Variants in TRIP4 observed in about 807,000 individuals in gnomAD.
The protein encoded by TRIP4 is activating signal cointegrator 1.
Under a neutral mutation model 81.8 loss-of-function variants are expected in TRIP4, and 54 were observed. The observed-to-expected ratio is 0.66, with a 90% CI of 0.53 to 0.83. TRIP4 has a LOEUF of 0.83. Among genes scored for constraint, TRIP4 ranks in the 40% least tolerant of loss-of-function variants. The pLI, the probability that TRIP4 is intolerant of heterozygous loss-of-function variation, is 0.00. For synonymous variants in TRIP4, 270 were observed against 242.8 expected (o/e 1.11, Z -1.04); for missense variants, 662 against 683.6 (o/e 0.97, Z 0.35).
intron 6 of TRIP4, 143 bp from the exon 7 acceptor site, chr15:64,409,470 T>G: frequency 1.5e-6 from 1 of 688,932 alleles, no homozygotes; most frequent in South Asian, 1.9e-5. Context: ...GAGCTGAGCC[T>G]ACACTGGAGA....
intron 3 of TRIP4, 74 bp downstream of exon 3, chr15:64,395,605 AG>A (rs1900268998): frequency 2.3e-5 from 35 of 1,505,126 alleles, no homozygotes; most frequent in Non-Finnish European, 3.0e-5. Flanking sequence ...CAGAGAGCAA[AG>A]TGTACAAATT....
At chr15:64,388,552 GC>G (rs1157625437) in intron 1 of TRIP4, among the ~76,000 whole-genome samples, 2 of 151,926 alleles carry the variant, frequency 1.3e-5, no homozygotes, top group Non-Finnish European at 2.9e-5. Context: ...CAAGTGATCC[GC>G]CCGCCTCGAC....
chr15:64,444,932 G>A, intron 11 of TRIP4, 74 bp from the exon 12 acceptor site: 4 of 762,206 alleles, frequency 5.2e-6, no homozygotes, highest in Non-Finnish European at 8.9e-6. Context: ...GGTGAAATCT[G>A]GGACATCTTC....
chr15:64,442,101 A>G (rs1247145312), intron 11 of TRIP4, among the ~76,000 whole-genome samples: 4 of 152,148 alleles, frequency 2.6e-5, no homozygotes, highest in African/African-American at 4.8e-5. Context: ...TTGTCTATGG[A>G]CTTGTAGGTC....
At chr15:64,445,982 A>G (rs1260415419) in intron 12 of TRIP4, among the ~76,000 whole-genome samples, 1 of 152,010 alleles carries the variant, frequency 6.6e-6, no homozygotes, top group Non-Finnish European at 1.5e-5. Context: ...TATTCAACTC[A>G]AGAATAAGGG....
chr15:64,410,765 A>G (rs1891744248), intron 7 of TRIP4, among the ~76,000 whole-genome samples: 1 of 152,196 alleles, frequency 6.6e-6, no homozygotes, highest in Non-Finnish European at 1.5e-5. Context: ...ACCAAGTTGG[A>G]AGAAAATATT....
At chr15:64,417,305 C>T (rs567659966) in intron 8 of TRIP4, among the ~76,000 whole-genome samples, 2 of 152,118 alleles carry the variant, frequency 1.3e-5, no homozygotes, top group African/African-American at 4.8e-5. Context: ...GGCCATCATG[C>T]CTGGCCCTTA....
chr15:64,435,537 A>T (rs1292033505), intron 11 of TRIP4, among the ~76,000 whole-genome samples: 5 of 151,156 alleles, frequency 3.3e-5, no homozygotes, highest in Admixed American at 2.0e-4. Flanking sequence ...AAAAAAAAAA[A>T]AAAAATATTA....
intron 11 of TRIP4, among the ~76,000 whole-genome samples, chr15:64,438,353 C>T (rs1892445964): frequency 6.6e-6 from 1 of 152,196 alleles, no homozygotes; most frequent in Admixed American, 6.5e-5. Flanking sequence ...GAGTTTCGCT[C>T]TTGTTGCCTA....
chr15:64,427,584 G>A (rs552310689), intron 11 of TRIP4, among the ~76,000 whole-genome samples: 10 of 152,164 alleles, frequency 6.6e-5, no homozygotes, highest in East Asian at 1.9e-4. Context: ...CCATGTTGGC[G>A]AAGCTGGTCT....
intron 12 of TRIP4, among the ~76,000 whole-genome samples, chr15:64,447,403 C>T (rs995158187): frequency 2.0e-5 from 3 of 152,214 alleles, no homozygotes; most frequent in African/African-American, 7.2e-5. Flanking sequence ...AACTAAAAAT[C>T]ACCTAGCAAG....
In TRIP4 at chr15:64,400,777, G is replaced by A. The variant is rs777959222; in HGVS notation, c.653G>A (p.Arg218His). The change falls in exon 5 of 13, where the codon CGT becomes CAT. Residue 218 changes from arginine (R) to histidine (H), a missense_variant. Arg to His is a conservative substitution (Grantham distance 29). Coordinates refer to ENST00000261884, the MANE Select transcript of TRIP4 (RefSeq NM_016213.5). ...CATGAGGAACAAGATATTTTACAGC[G>A]TGACTCAAACAAGAGCCAGAAACTG... ...CTHEEQDILQ[R>H]DSNKSQKLLK... 7 of 1,613,880 alleles carry A rather than the reference G, an allele frequency of 4.3e-6. No individual in the cohort carries two copies. Among genetic ancestry groups the A allele is most frequent in the East Asian group, 2.2e-5 (1 of 44,892 alleles).
intron 1 of TRIP4, among the ~76,000 whole-genome samples, chr15:64,388,970 C>G (rs1300617796): frequency 2.0e-5 from 3 of 152,104 alleles, no homozygotes; most frequent in African/African-American, 7.2e-5. Flanking sequence ...GTAACAAAGA[C>G]AAGACAGTTG....
Position 64,409,703 on chromosome 15 carries a change from G to A in TRIP4, c.918G>A (p.Leu306=). The part of the protein sequence containing the change: ...QWLSKLERET[L]QKREEELREL... ...TGTCCAAACTTGAGCGGGAAACCTTGCAGAAGCGAGAGGAGGAGCTGAGAG... is the reference window on the plus strand; with the variant it reads ...TGTCCAAACTTGAGCGGGAAACCTTACAGAAGCGAGAGGAGGAGCTGAGAG... The change falls in exon 7 of 13, where the codon TTG becomes TTA. Residue 306 remains leucine, a synonymous_variant. Coordinates refer to ENST00000261884, the MANE Select transcript of TRIP4 (RefSeq NM_016213.5). The A allele has an allele frequency of 6.2e-7, 1 of 1,614,148 alleles. No individual in the cohort carries two copies. The highest frequency in any genetic ancestry group is 8.5e-7 in the Non-Finnish European group (1 of 1,180,040).
At chr15:64,398,251 T>A (rs996088293) in intron 4 of TRIP4, among the ~76,000 whole-genome samples, 1 of 150,928 alleles carries the variant, frequency 6.6e-6, no homozygotes, top group African/African-American at 2.4e-5. Flanking sequence ...TGAACTCGAG[T>A]GTCAGGGATA....
chr15:64,439,872 C>A (rs892421576), intron 11 of TRIP4, among the ~76,000 whole-genome samples: 15 of 151,870 alleles, frequency 9.9e-5, no homozygotes, highest in African/African-American at 3.6e-4. Flanking sequence ...TACAGATCAT[C>A]TGGGAATTTG....
At chr15:64,448,958 C>G (rs1224712596) in intron 12 of TRIP4, among the ~76,000 whole-genome samples, 1 of 151,918 alleles carries the variant, frequency 6.6e-6, no homozygotes, top group Non-Finnish European at 1.5e-5. Flanking sequence ...GTCTATAATC[C>G]CAGCACTTTA....
chr15:64,402,673 GC>G (rs1277332451), intron 5 of TRIP4, among the ~76,000 whole-genome samples: 1 of 151,742 alleles, frequency 6.6e-6, no homozygotes, highest in Non-Finnish European at 1.5e-5. Flanking sequence ...ACAAGCGCAT[GC>G]CACCTTGTCC....
At chr15:64,425,412 T>A in intron 10 of TRIP4, 128 bp from the exon 11 acceptor site, 1 of 841,812 alleles carries the variant, frequency 1.2e-6, no homozygotes, top group Non-Finnish European at 1.8e-6. Context: ...ATTTCACTGT[T>A]TTCCTTATGT....
Sources: allele counts gnomAD v4.1 joint callset (sites outside exome capture counted in the v4.1 genomes callset), GRCh38; gene constraint gnomAD v4.1.1; transcripts MANE v1.5; gene names NCBI Gene and HGNC (gene_info 2026-07-23, HGNC 2026-07-21).